The following RYR3 variants were observed in gnomAD, a reference collection of about 807,000 sequenced individuals.
The protein encoded by RYR3 is brain ryanodine receptor-calcium release channel.
Under a neutral mutation model 584.3 loss-of-function variants are expected in RYR3, and 207 were observed. That is an observed-to-expected ratio of 0.35 (90% CI 0.32 to 0.40). RYR3 has a LOEUF of 0.40. Ranked by LOEUF, RYR3 falls within the 10% of genes least tolerant of loss-of-function variation. RYR3 has a pLI of 1.00. For synonymous variants in RYR3, 2,416 were observed against 2,248.5 expected (o/e 1.07, Z -2.11); for missense variants, 5,616 against 6,089.2 (o/e 0.92, Z 2.59).
chr15:33,696,504 C>T lies in RYR3; in HGVS notation c.6134+13C>T, dbSNP rs192320400. The T allele has an allele frequency of 9.3e-6, 15 of 1,613,130 alleles. No homozygotes were observed. The South Asian group carries it at 9.9e-5, about 11-fold the overall frequency. ...TCAATGGGCTGGGGTAGGTGATTCA[C>T]GGTTACGTGCTGTTCTCTCTAGGAG... On this transcript the variant is annotated intron_variant, in intron 39 of 103. Coordinates refer to ENST00000634891, the MANE Select transcript of RYR3 (RefSeq NM_001036.6).
At chr15:33,788,558 T>C in intron 67 of RYR3, 100 bp downstream of exon 67, 2 of 1,385,244 alleles carry the variant, frequency 1.4e-6, no homozygotes, top group South Asian at 2.8e-5. Context: ...AACAGTGAGA[T>C]AAAGGAGGCG....
intron 1 of RYR3, among the ~76,000 whole-genome samples, chr15:33,417,524 G>A (rs1159508546): frequency 6.6e-6 from 1 of 152,074 alleles, no homozygotes; most frequent in Non-Finnish European, 1.5e-5. Flanking sequence ...ACTGATTTTT[G>A]TACATTGATT....
chr15:33,826,241 C>A lies in RYR3; in HGVS notation c.11147-11C>A. 6.2e-7 allele frequency: 1 copy of A among 1,613,454 alleles called. No homozygotes were observed. The highest frequency in any genetic ancestry group is 1.1e-5 in the South Asian group (1 of 91,052). ...TTACTTTCTATTCTTCTGTTTTTCT[C>A]TCATTACCAGTCATTGTTCGGGAAC... On this transcript the variant is annotated splice_polypyrimidine_tract_variant and intron_variant, in intron 82 of 103. Transcript: ENST00000634891.
chr15:33,756,102 G>GA (rs2071793309), intron 58 of RYR3, among the ~76,000 whole-genome samples: 1 of 151,892 alleles, frequency 6.6e-6, no homozygotes, highest in Non-Finnish European at 1.5e-5. Context: ...TGTTAAAGTA[G>GA]AAAAAAGGGT....
At position 33,662,875 on chromosome 15, in the gene RYR3, G is replaced by T. The variant is rs1327698467; in HGVS notation, c.5345G>T (p.Gly1782Val). ...TQVEEKAVEA[G>V]EKAGKEAPVK... is the part of the protein sequence containing the mutation. The stretch of plus-strand genomic sequence containing the variant: ...GTGGAGGAGAAGGCTGTGGAGGCTG[G>T]GGAGAAGGCCGGCAAGGAGGCTCCT... Residue 1782 changes from glycine to valine, a missense_variant, in exon 35 of 104, where the codon GGG (glycine) becomes GTG (valine). By Grantham distance (109) the Gly-to-Val change is moderately radical. Around this residue, in one of 9 missense-constraint regions of RYR3, gnomAD observed 753 missense variants for 741.0 expected, o/e 1.02. Coordinates refer to ENST00000634891, the MANE Select transcript of RYR3 (RefSeq NM_001036.6). 6.2e-7 allele frequency: 1 copy of T among 1,613,586 alleles called. No individual in the cohort carries two copies. Among genetic ancestry groups the T allele is most frequent in the East Asian group, 2.2e-5 (1 of 44,898 alleles).
intron 1 of RYR3, among the ~76,000 whole-genome samples, chr15:33,382,319 CT>C (rs34767570): frequency 0.069 from 7,191 of 104,370 alleles, 61 homozygotes; most frequent in Middle Eastern, 0.1. Flanking sequence ...TTAAAAGTGG[CT>C]TTTTTTTTTT....
chr15:33,458,738 T>C (rs908564059), intron 1 of RYR3, among the ~76,000 whole-genome samples: 1 of 152,186 alleles, frequency 6.6e-6, no homozygotes, highest in African/African-American at 2.4e-5. Context: ...TGAGGCAGTA[T>C]TATAAAGGCC....
intron 1 of RYR3, among the ~76,000 whole-genome samples, chr15:33,376,803 A>T (rs1408358213): frequency 3.9e-5 from 6 of 152,180 alleles, no homozygotes; most frequent in African/African-American, 1.4e-4. Flanking sequence ...TCGTATATGG[A>T]ATGAGTTAGG....
chr15:33,612,807 G>T (rs751329971), intron 18 of RYR3, among the ~76,000 whole-genome samples: 11 of 152,204 alleles, frequency 7.2e-5, no homozygotes, highest in Admixed American at 3.9e-4. Flanking sequence ...ACACACACCA[G>T]CTACTTCTGA....
intron 52 of RYR3, among the ~76,000 whole-genome samples, chr15:33,744,811 G>A (rs945870618): frequency 5.9e-5 from 9 of 152,206 alleles, no homozygotes; most frequent in Admixed American, 1.3e-4. Flanking sequence ...TAAGTCTGGA[G>A]AGGTCAACAT....
chr15:33,540,721 C>T, intron 6 of RYR3, 70 bp from the exon 7 acceptor site: 1 of 907,630 alleles, frequency 1.1e-6, no homozygotes, highest in Non-Finnish European at 1.8e-6. Context: ...CCTTGAAGTT[C>T]TAGGTGAGCT....
At chr15:33,694,369 C>T (rs541395873) in intron 38 of RYR3, among the ~76,000 whole-genome samples, 35 of 151,284 alleles carry the variant, frequency 2.3e-4, no homozygotes, top group African/African-American at 7.7e-4. Flanking sequence ...CTCAGCCTCC[C>T]GAGTAGCTGG....
chr15:33,624,111 T>G, intron 20 of RYR3, 88 bp downstream of exon 20: 2 of 873,374 alleles, frequency 2.3e-6, no homozygotes, highest in South Asian at 3.1e-5. Flanking sequence ...TGAACCTTTC[T>G]TAATATACAT....
intron 1 of RYR3, among the ~76,000 whole-genome samples, chr15:33,349,355 A>G (rs1972900222): frequency 6.6e-6 from 1 of 152,038 alleles, no homozygotes. Flanking sequence ...AAACTGCCAA[A>G]CTGTCTTCCA....
At chr15:33,826,188 A>C (rs2077369719) in intron 82 of RYR3, 64 bp from the exon 83 acceptor site, 1 of 1,514,408 alleles carries the variant, frequency 6.6e-7, no homozygotes, top group Non-Finnish European at 9.2e-7. Context: ...TTAACTAAAG[A>C]CAGTTTATCA....
chr15:33,786,184 C>T (rs1567167921), intron 66 of RYR3, among the ~76,000 whole-genome samples: 2 of 152,186 alleles, frequency 1.3e-5, no homozygotes, highest in African/African-American at 4.8e-5. Context: ...GCTCCCGGCC[C>T]ACTCCCCTAC....
chr15:33,794,295 T>TTATATATATATTTTTA (rs1397465453), intron 67 of RYR3, among the ~76,000 whole-genome samples: 2 of 76,990 alleles, frequency 2.6e-5, no homozygotes, highest in African/African-American at 7.7e-5. Flanking sequence ...AAAAGATTTT[T>TTATATATATATTTTTA]TATATATATA....
At chr15:33,797,789 G>A (rs1160793110) in intron 67 of RYR3, among the ~76,000 whole-genome samples, 2 of 151,952 alleles carry the variant, frequency 1.3e-5, no homozygotes, top group Non-Finnish European at 2.9e-5. Flanking sequence ...CCCACTGAAG[G>A]CATCTGGAAA....
At chr15:33,655,912 G>A (rs539028350) in intron 32 of RYR3, among the ~76,000 whole-genome samples, 8 of 152,260 alleles carry the variant, frequency 5.3e-5, no homozygotes, top group Non-Finnish European at 7.4e-5. Context: ...GATTCAGAAA[G>A]GACTAGAAAC....
Sources: gnomAD v4.1 joint callset for allele counts (sites outside exome capture counted in the v4.1 genomes callset) on GRCh38, gnomAD v4.1.1 for gene constraint, gnomAD v4.1.1 regional missense constraint, MANE v1.5 for transcripts, NCBI Gene and HGNC (gene_info 2026-07-23, HGNC 2026-07-21) for gene names.